Variants in CDK8 observed in about 807,000 individuals in gnomAD.
CDK8 encodes cyclin-dependent kinase 8.
Under a neutral mutation model 71.5 loss-of-function variants are expected in CDK8, and 29 were observed. That is an observed-to-expected ratio of 0.41 (90% CI 0.30 to 0.55). The LOEUF is 0.55. Ranked by LOEUF, CDK8 falls within the 20% of genes least tolerant of loss-of-function variation. The pLI is 0.37. For missense variants in CDK8, 288 were observed against 572.6 expected (o/e 0.50, Z 5.07); for synonymous variants, 161 against 192.1 (o/e 0.84, Z 1.34).
chr13:26,356,859 C>T (rs1024533811), intron 4 of CDK8, among the ~76,000 whole-genome samples: 3 of 152,170 alleles, frequency 2.0e-5, no homozygotes, highest in African/African-American at 7.2e-5. Flanking sequence ...TTCTTTACCC[C>T]TGTTTAGTCA....
intron 1 of CDK8, among the ~76,000 whole-genome samples, chr13:26,299,543 A>G (rs2137913777): frequency 6.6e-6 from 1 of 152,278 alleles, no homozygotes; most frequent in South Asian, 2.1e-4. Context: ...GCAGTATGTG[A>G]CTGTATTATC....
chr13:26,287,994 ACT>A (rs778619884), intron 1 of CDK8, among the ~76,000 whole-genome samples: 7 of 151,532 alleles, frequency 4.6e-5, no homozygotes, highest in Non-Finnish European at 1.0e-4. Flanking sequence ...ATGGAGTCTC[ACT>A]CTATCGCCCA....
At chr13:26,287,919 G>A (rs1175696) in intron 1 of CDK8, among the ~76,000 whole-genome samples, 143,925 of 152,272 alleles carry the variant, frequency 0.95, 68,062 homozygotes, top group East Asian at 1. Context: ...TACCCCTGTA[G>A]TGTTGTCTTT....
intron 4 of CDK8, among the ~76,000 whole-genome samples, chr13:26,373,333 T>C (rs1874779691): frequency 6.6e-6 from 1 of 152,208 alleles, no homozygotes; most frequent in African/African-American, 2.4e-5. Context: ...CACTATGACA[T>C]GCCAAGAATG....
chr13:26,269,137 A>G (rs954719899), intron 1 of CDK8, among the ~76,000 whole-genome samples: 9 of 152,200 alleles, frequency 5.9e-5, no homozygotes, highest in Non-Finnish European at 1.0e-4. Flanking sequence ...GTACTCATTC[A>G]TGTTAGGTAA....
intron 2 of CDK8, among the ~76,000 whole-genome samples, chr13:26,342,250 CA>C (rs1362005841): frequency 6.6e-6 from 1 of 152,090 alleles, no homozygotes; most frequent in Non-Finnish European, 1.5e-5. Flanking sequence ...TTCGAAAAGG[CA>C]AAAAGTAACT....
intron 2 of CDK8, among the ~76,000 whole-genome samples, chr13:26,339,747 TAAA>T (rs759709011): frequency 6.7e-5 from 2 of 29,914 alleles, no homozygotes; most frequent in East Asian, 1.1e-3. Flanking sequence ...TATAATTACT[TAAA>T]AAAAAAATAT....
intron 1 of CDK8, among the ~76,000 whole-genome samples, chr13:26,280,282 G>C (rs1409007977): frequency 6.6e-6 from 1 of 152,148 alleles, no homozygotes; most frequent in Non-Finnish European, 1.5e-5. Context: ...AACTGAAATA[G>C]CACGAAAAGT....
intron 4 of CDK8, 92 bp downstream of exon 4, chr13:26,353,972 C>A: frequency 9.3e-7 from 1 of 1,069,930 alleles, no homozygotes; most frequent in Non-Finnish European, 1.4e-6. Flanking sequence ...TATATGTAGG[C>A]CTGCAAACCT....
rs117357345 is a variant in CDK8 at position 26,367,277 on chromosome 13, G to A, written c.456+13397G>A. On this transcript the variant is annotated intron_variant, in intron 4 of 12. Transcript: ENST00000381527. ...GGCTAAGGGAGATCCAAAAATAAAA[G>A]GCAGAGCAAAATAAAGAACAACAAA... Among the ~76,000 whole-genome samples the A allele has an allele frequency of 9.5e-3, 1,438 of 152,042 alleles. 7 individuals are homozygous for A. The highest frequency in any genetic ancestry group is 0.017 in the Middle Eastern group (5 of 294).
intron 1 of CDK8, among the ~76,000 whole-genome samples, chr13:26,293,004 A>G (rs1376495316): frequency 6.6e-6 from 1 of 152,170 alleles, no homozygotes; most frequent in Non-Finnish European, 1.5e-5. Flanking sequence ...TTTCAGTTAG[A>G]AAGTATTTGT....
rs567810424 is a variant in CDK8, at chr13:26,340,491, G to A, written c.204+2849G>A. ...TTTGTCTGTGAGTGGCTAATGGTACGTAGGGGTTTTTTTTAATATTCTTTT... is the reference window on the plus strand; with the variant it reads ...TTTGTCTGTGAGTGGCTAATGGTACATAGGGGTTTTTTTTAATATTCTTTT... On this transcript the variant is annotated intron_variant, in intron 2 of 12. Coordinates refer to ENST00000381527, the MANE Select transcript of CDK8 (RefSeq NM_001260.3). Among the ~76,000 whole-genome samples, 100 of 152,178 alleles carry A rather than the reference G, an allele frequency of 6.6e-4. No homozygotes were observed. In the South Asian group the frequency reaches 0.018, roughly 28 times the overall value.
chr13:26,358,761 T>C (rs1874007068), intron 4 of CDK8, among the ~76,000 whole-genome samples: 1 of 152,136 alleles, frequency 6.6e-6, no homozygotes, highest in Non-Finnish European at 1.5e-5. Flanking sequence ...CATCAGTGGA[T>C]AAATGGGTAA....
intron 1 of CDK8, among the ~76,000 whole-genome samples, chr13:26,298,926 C>T (rs1873688395): frequency 6.6e-6 from 1 of 152,088 alleles, no homozygotes; most frequent in Admixed American, 6.5e-5. Context: ...GAAACCCTGT[C>T]CTAAGAGCAC....
At chr13:26,311,399 T>C (rs930083232) in intron 1 of CDK8, among the ~76,000 whole-genome samples, 5 of 152,210 alleles carry the variant, frequency 3.3e-5, no homozygotes, top group Admixed American at 2.0e-4. Context: ...TCTGTTAGAA[T>C]GCGTTTGGTC....
chr13:26,391,559 G>A lies in CDK8; in HGVS notation c.647-1808G>A, dbSNP rs569323150. On this transcript the variant is annotated intron_variant, in intron 6 of 12. Coordinates refer to ENST00000381527, the MANE Select transcript of CDK8 (RefSeq NM_001260.3). ...GTAAGTAGAATTTTAAACATGCAAA[G>A]CCATCCATCATCCCTTTTTGTGATC... 4.6e-5 allele frequency among the ~76,000 whole-genome samples: 7 copies of A among 152,278 alleles called. No homozygotes were observed. The South Asian group carries it at 1.4e-3, about 32-fold the overall frequency.
intron 4 of CDK8, among the ~76,000 whole-genome samples, chr13:26,373,603 T>C (rs1401324135): frequency 6.6e-6 from 1 of 152,196 alleles, no homozygotes; most frequent in Non-Finnish European, 1.5e-5. Context: ...TTCACTGAAT[T>C]ATGACACATA....
intron 1 of CDK8, among the ~76,000 whole-genome samples, chr13:26,286,118 T>C (rs961120715): frequency 6.6e-5 from 10 of 152,090 alleles, no homozygotes; most frequent in African/African-American, 1.9e-4. Flanking sequence ...GCAATTCCCA[T>C]CAAAATACCA....
At chr13:26,296,712 C>A (rs1348888284) in intron 1 of CDK8, among the ~76,000 whole-genome samples, 3 of 152,100 alleles carry the variant, frequency 2.0e-5, no homozygotes, top group Non-Finnish European at 4.4e-5. Context: ...TATAACTTAT[C>A]AAGGATGATC....
Sources: allele counts gnomAD v4.1 joint callset (sites outside exome capture counted in the v4.1 genomes callset), GRCh38; gene constraint gnomAD v4.1.1; transcripts MANE v1.5; gene names NCBI Gene and HGNC (gene_info 2026-07-23, HGNC 2026-07-21).